BAZ2B: variants seen among roughly 807,000 people sequenced by gnomAD.
BAZ2B encodes the protein bromodomain adjacent to zinc finger domain 2B, also known as bromodomain adjacent to zinc finger domain protein 2B.
In BAZ2B, 91 loss-of-function variants were observed where a neutral mutation model predicts 246.0. The ratio of observed to expected loss-of-function variants is 0.37; its 90% confidence interval spans 0.31 to 0.44. The LOEUF is 0.44. BAZ2B is among the 20% of genes least tolerant of loss of function. The pLI is 1.00. For missense variants in BAZ2B, 2,332 were observed against 2,533.7 expected, an observed-to-expected ratio of 0.92 and a Z score of 1.71; for synonymous variants, 855 against 860.0, an observed-to-expected ratio of 0.99 and a Z score of 0.10.
Position 159,435,989 on chromosome 2 carries a change from T to A in BAZ2B, c.1293+2314A>T, listed in dbSNP as rs144939928. Among the ~76,000 whole-genome samples, 425 of 152,338 alleles carry A rather than the reference T, an allele frequency of 2.8e-3. 3 individuals carry two copies. The highest frequency in any genetic ancestry group is 9.6e-3 in the African/African-American group (401 of 41,580). On this transcript the variant is annotated intron_variant, in intron 8 of 36. Coordinates refer to ENST00000392783, the MANE Select transcript of BAZ2B (RefSeq NM_013450.4). Reference sequence around the variant, plus strand: ...AAGTGCTTAATTAGTAATTATTCAGTAAATTCTAGAAAATTATGCTAGTTA... The same window carrying A: ...AAGTGCTTAATTAGTAATTATTCAGAAAATTCTAGAAAATTATGCTAGTTA...
At chr2:159,360,159 T>C (rs1576061276) in intron 27 of BAZ2B, among the ~76,000 whole-genome samples, 1 of 152,170 alleles carries the variant, frequency 6.6e-6, no homozygotes, top group African/African-American at 2.4e-5. Context: ...AGAGAGGAAG[T>C]CAAATTGTCT....
At chr2:159,341,906 A>G (rs952344379) in intron 31 of BAZ2B, among the ~76,000 whole-genome samples, 4 of 152,256 alleles carry the variant, frequency 2.6e-5, no homozygotes, top group African/African-American at 9.6e-5. Context: ...AAATGCCTAC[A>G]TCAATAAAGT....
chr2:159,708,021 T>C, the BAZ2B span, among the ~76,000 whole-genome samples: 1 of 151,880 alleles, frequency 6.6e-6, no homozygotes, highest in African/African-American at 2.4e-5. Context: ...AAATAAAATA[T>C]AGCTGTTAAC....
chr2:159,524,132 G>T (rs1404471127), intron 2 of BAZ2B, among the ~76,000 whole-genome samples: 3 of 152,240 alleles, frequency 2.0e-5, no homozygotes, highest in African/African-American at 7.2e-5. Flanking sequence ...AGCCCAGTAT[G>T]TGCTCACACT....
chr2:159,363,622 T>C (rs1387576238), intron 27 of BAZ2B, among the ~76,000 whole-genome samples: 1 of 152,182 alleles, frequency 6.6e-6, no homozygotes, highest in African/African-American at 2.4e-5. Context: ...AGTAGACCGA[T>C]AGGCTGAACT....
At chr2:159,707,848 G>A in the BAZ2B span, among the ~76,000 whole-genome samples, 14 of 151,554 alleles carry the variant, frequency 9.2e-5, no homozygotes, top group South Asian at 2.1e-4. Flanking sequence ...AAAATTAGCC[G>A]GGAGTGGTGG....
At chr2:159,487,210 C>T (rs1322333050) in intron 2 of BAZ2B, among the ~76,000 whole-genome samples, 3 of 152,262 alleles carry the variant, frequency 2.0e-5, no homozygotes, top group East Asian at 1.9e-4. Context: ...GAGTCTTATG[C>T]TACCTTTAAG....
Position 159,385,376 on chromosome 2 carries a change from A to G in BAZ2B, c.3472-7T>C. 6.2e-7 allele frequency: 1 copy of G among 1,609,636 alleles called. No homozygotes were observed. ...CTCCAAGAGCTGTTTTAGCCTATAA[A>G]AGTTTGGCATTTTTATCAGTATTAC... On this transcript the variant is annotated splice_polypyrimidine_tract_variant and splice_region_variant and intron_variant, in intron 22 of 36. Coordinates refer to ENST00000392783, the MANE Select transcript of BAZ2B (RefSeq NM_013450.4).
chr2:159,325,846 T>G lies in BAZ2B; in HGVS notation c.6016A>C (p.Lys2006Gln). ...GTATCTCCTGTTAAAGTTACCTTCT[T>G]GCCTTTCTTTGACTCATTAGTCTTT... Reference protein sequence around the residue: ...GKKTNESKKGKKVTLTGDTED... With the variant: ...GKKTNESKKGQKVTLTGDTED... Residue 2006 changes from lysine to glutamine, a missense_variant, in exon 35 of 37, where the codon AAG becomes CAG. By Grantham distance (53) the Lys-to-Gln change is moderately conservative. Around this residue, in one of 9 missense-constraint regions of BAZ2B, gnomAD observed 210 missense variants for 232.5 expected, o/e 0.90. Coordinates refer to ENST00000392783, the MANE Select transcript of BAZ2B (RefSeq NM_013450.4). The G allele has an allele frequency of 1.2e-6, 2 of 1,608,446 alleles. No individual in the cohort carries two copies. Among genetic ancestry groups the G allele is most frequent in the Non-Finnish European group, 1.7e-6 (2 of 1,178,568 alleles).
At chr2:159,698,596 A>G in the BAZ2B span, among the ~76,000 whole-genome samples, 1 of 151,730 alleles carries the variant, frequency 6.6e-6, no homozygotes, top group Non-Finnish European at 1.5e-5. Context: ...TATAGTATTG[A>G]AAACTGCCTA....
the BAZ2B span, among the ~76,000 whole-genome samples, chr2:159,667,741 G>T: frequency 6.6e-6 from 1 of 151,962 alleles, no homozygotes; most frequent in Non-Finnish European, 1.5e-5. Context: ...ATTTGATTCT[G>T]TTCCATTGGT....
chr2:159,608,147 C>T (rs951706695), intron 1 of BAZ2B, among the ~76,000 whole-genome samples: 11 of 152,232 alleles, frequency 7.2e-5, no homozygotes, highest in Non-Finnish European at 1.3e-4. Context: ...GGCCAAGGTG[C>T]GCAGATTGTT....
At chr2:159,463,316 C>A in intron 3 of BAZ2B, 1 of 293,632 alleles carries the variant, frequency 3.4e-6, no homozygotes, top group Admixed American at 4.3e-5. Flanking sequence ...CTTAACGTGT[C>A]TATTGTTAAT....
chr2:159,407,043 C>A (rs567934096), intron 14 of BAZ2B, among the ~76,000 whole-genome samples: 1 of 151,886 alleles, frequency 6.6e-6, no homozygotes, highest in Admixed American at 6.6e-5. Context: ...CGTGAGCCAG[C>A]GTGCCCGGCC....
intron 21 of BAZ2B, among the ~76,000 whole-genome samples, chr2:159,389,050 C>T (rs1383254305): frequency 6.6e-6 from 1 of 152,006 alleles, no homozygotes; most frequent in Non-Finnish European, 1.5e-5. Flanking sequence ...CCTGCCACTG[C>T]CCTCTCTCCA....
intron 10 of BAZ2B, 64 bp downstream of exon 10, chr2:159,430,799 T>C (rs938703990): frequency 1.2e-5 from 19 of 1,544,932 alleles, no homozygotes; most frequent in Middle Eastern, 1.8e-4. Context: ...AACACTCTTA[T>C]CAATAAAAAT....
intron 4 of BAZ2B, among the ~76,000 whole-genome samples, chr2:159,449,617 A>C (rs902900277): frequency 3.3e-5 from 5 of 152,228 alleles, no homozygotes; most frequent in African/African-American, 1.2e-4. Context: ...GTATAAGTAG[A>C]AAACTGCAAA....
intron 27 of BAZ2B, 102 bp downstream of exon 27, chr2:159,372,943 C>T: frequency 7.5e-7 from 1 of 1,335,526 alleles, no homozygotes; most frequent in Non-Finnish European, 1.0e-6. Context: ...ACATGTTTAC[C>T]AAACATTGAT....
chr2:159,395,885 T>C lies in BAZ2B; in HGVS notation c.3010-51A>G, dbSNP rs771159974. On this transcript the variant is annotated intron_variant, in intron 19 of 36. Transcript: ENST00000392783. The stretch of plus-strand genomic sequence containing the variant: ...AATAACTCAGCCACAATTAACAGTT[T>C]GATTTTCCAATGAAAAAACAAAAAC... 6.7e-6 allele frequency: 10 copies of C among 1,499,282 alleles called. No homozygotes were observed. In the African/African-American group the frequency reaches 1.3e-4, roughly 19 times the overall value. The allele number at this position is 1,499,282 out of a possible 1,614,324, so 92.9% of individuals were successfully genotyped here.
Sources: allele counts gnomAD v4.1 joint callset (sites outside exome capture counted in the v4.1 genomes callset), GRCh38; gene constraint gnomAD v4.1.1; regional missense constraint gnomAD v4.1.1; transcripts MANE v1.5; gene names NCBI Gene and HGNC (gene_info 2026-07-23, HGNC 2026-07-21).